DHX32: variants seen among roughly 807,000 people sequenced by gnomAD.
The protein encoded by DHX32 is putative pre-mRNA-splicing factor ATP-dependent RNA helicase DHX32.
Under a neutral mutation model 70.0 loss-of-function variants are expected in DHX32, and 51 were observed. The observed-to-expected ratio is 0.73, with a 90% confidence interval of 0.58 to 0.92. The LOEUF is 0.92. Among genes scored for constraint, DHX32 ranks in the 40% least tolerant of loss-of-function variants. DHX32 has a pLI of 0.00. For missense variants in DHX32, 762 were observed against 891.8 expected (o/e 0.85, Z 1.85); for synonymous variants, 310 against 315.3 (o/e 0.98, Z 0.18).
intron 2 of DHX32, among the ~76,000 whole-genome samples, chr10:125,862,073 A>G (rs1196848854): frequency 5.3e-5 from 8 of 152,364 alleles, no homozygotes; most frequent in African/African-American, 1.9e-4. Flanking sequence ...TCATTTATAA[A>G]TGAGAAAACT....
At chr10:125,887,877 C>A (rs61870708) in intron 1 of DHX32, among the ~76,000 whole-genome samples, 2 of 152,114 alleles carry the variant, frequency 1.3e-5, no homozygotes, top group African/African-American at 4.8e-5. Context: ...GCACAACAAA[C>A]GTGATTATGA....
chr10:125,885,430 A>G (rs563388318), upstream of DHX32, among the ~76,000 whole-genome samples: 7 of 152,266 alleles, frequency 4.6e-5, no homozygotes, highest in African/African-American at 1.4e-4. Context: ...AGTCTTAACA[A>G]TCAGAGGACC....
At position 125,854,074 on chromosome 10, in the gene DHX32, T is replaced by G; in HGVS notation, c.979A>C (p.Lys327Gln). ...CTTCTTTGATAAACTTGGCATCTTT[T>G]TTCTGTTTCATCGAGTGGCTTGAAC... ...SLFKPLDETE[K>Q]RCQVYQRRVV... is the part of the protein sequence containing the mutation. The change falls in exon 4 of 11, where the codon AAA becomes CAA. Residue 327 changes from lysine (K) to glutamine (Q), a missense_variant. This residue lies in a region of DHX32 where 394 missense variants were observed against 473.1 expected (regional missense o/e 0.83). Coordinates refer to ENST00000284690, the MANE Select transcript of DHX32 (RefSeq NM_018180.3). 6.2e-7 allele frequency: 1 copy of G among 1,614,144 alleles called. No individual in the cohort carries two copies. The highest frequency in any genetic ancestry group is 8.5e-7 in the Non-Finnish European group (1 of 1,180,014).
Position 125,836,448 on chromosome 10 carries a change from C to G in DHX32, c.*239G>C. On this transcript the variant is annotated 3_prime_UTR_variant, in exon 11 of 11. Coordinates refer to ENST00000284690, the MANE Select transcript of DHX32 (RefSeq NM_018180.3). ...AATACCAGTTTTTTAAAATTTTGGTCAAATTATGAGTGGTTGATTTAAAAA... is the reference window on the plus strand; with the variant it reads ...AATACCAGTTTTTTAAAATTTTGGTGAAATTATGAGTGGTTGATTTAAAAA... 1.4e-6 allele frequency: 2 copies of G among 1,421,466 alleles called. No individual in the cohort carries two copies. Among genetic ancestry groups the G allele is most frequent in the South Asian group, 1.6e-5 (1 of 60,846 alleles). 88.1% of individuals were successfully genotyped at this position (1,421,466 alleles called of 1,614,324 possible). A position where few individuals can be genotyped will look rare whatever the true frequency, so the allele number is the denominator to read the frequency against.
chr10:125,871,076 T>C (rs957628923), intron 1 of DHX32, among the ~76,000 whole-genome samples: 1 of 152,230 alleles, frequency 6.6e-6, no homozygotes, highest in African/African-American at 2.4e-5. Context: ...TCATGAGCCA[T>C]GTTCTCAAGC....
chr10:125,852,270 C>T (rs1203485439), intron 6 of DHX32, 23 bp downstream of exon 6: 2 of 1,609,308 alleles, frequency 1.2e-6, no homozygotes, highest in Non-Finnish European at 1.7e-6. Flanking sequence ...TAATGCCTGG[C>T]TGACATGGGA....
chr10:125,880,937 T>A lies in DHX32; in HGVS notation c.-113A>T, dbSNP rs1351077842. The A allele has an allele frequency of 4.0e-6, 5 of 1,261,096 alleles. No homozygotes were observed. The highest frequency in any genetic ancestry group is 5.5e-6 in the Non-Finnish European group (5 of 913,946). The allele number at this position is 1,261,096 out of a possible 1,614,324, so 78.1% of individuals were successfully genotyped here. On this transcript the variant is annotated 5_prime_UTR_variant, in exon 1 of 11. Transcript: ENST00000284690. ...ATTTATACAAACCCGTATGTTCCAA[T>A]CTCTAAGACTTCAGTTCAAGGTTTT...
chr10:125,837,924 A>G (rs191435852), intron 10 of DHX32, among the ~76,000 whole-genome samples: 11 of 152,254 alleles, frequency 7.2e-5, no homozygotes, highest in Admixed American at 2.0e-4. Context: ...CTCAAGGTCA[A>G]TGCACCTGTA....
Position 125,839,063 on chromosome 10 carries a change from A to G in DHX32, c.1819T>C (p.Phe607Leu), listed in dbSNP as rs1391487727. 1 of 1,614,230 alleles carries G rather than the reference A, an allele frequency of 6.2e-7. No individual in the cohort carries two copies. The highest frequency in any genetic ancestry group is 8.5e-7 in the Non-Finnish European group (1 of 1,180,040). ...RIELPYAEPA[F>L]GSKENTLNIK... The stretch of plus-strand genomic sequence containing the variant: ...TTTAGAGTGTTTTCCTTGGAGCCAA[A>G]AGCAGGTTCTGCATAGGGAAGCTCG... The change falls in exon 9 of 11, where the codon TTT becomes CTT. Residue 607 changes from phenylalanine (F) to leucine (L), a missense_variant. By Grantham distance (22) the Phe-to-Leu change is conservative. Coordinates refer to ENST00000284690, the MANE Select transcript of DHX32 (RefSeq NM_018180.3).
At chr10:125,883,191 C>G (rs1042316933), upstream of DHX32, among the ~76,000 whole-genome samples, 8 of 152,176 alleles carry the variant, frequency 5.3e-5, no homozygotes, top group Non-Finnish European at 1.0e-4. Context: ...TGAGACTTAC[C>G]TGGCCCCTTC....
Position 125,859,651 on chromosome 10 carries a change from G to C in DHX32, c.801C>G (p.His267Gln). The C allele has an allele frequency of 6.2e-7, 1 of 1,609,290 alleles. No homozygotes were observed. The highest frequency in any genetic ancestry group is 8.5e-7 in the Non-Finnish European group (1 of 1,178,318). The stretch of plus-strand genomic sequence containing the variant: ...CAATGTCACCTTTCTCACCCGAGTG[G>C]TGAATTTCAAAGATAAGGCGTAAAA... ...ESILRLIFEI[H>Q]HSGEKGDIVV... The change falls in exon 3 of 11, where the codon CAC becomes CAG. Residue 267 changes from histidine to glutamine, a missense_variant. His to Gln is a conservative substitution (Grantham distance 24, BLOSUM62 0). This residue lies in a region of DHX32 where 394 missense variants were observed against 473.1 expected (regional missense o/e 0.83). Coordinates refer to ENST00000284690, the MANE Select transcript of DHX32 (RefSeq NM_018180.3).
At position 125,880,866 on chromosome 10, in the gene DHX32, A is replaced by G. The variant is rs759944844; in HGVS notation, c.-42T>C. The G allele has an allele frequency of 1.0e-5, 16 of 1,582,658 alleles. No homozygotes were observed. In the Admixed American group the frequency reaches 1.1e-4, roughly 11 times the overall value. On this transcript the variant is annotated 5_prime_UTR_variant, in exon 1 of 11. Transcript: ENST00000284690. ...CTCACGCAGCTGACATTCCACAAGCAAGTTTCTCCTATCAGTAACCCATTG... is the reference window on the plus strand; with the variant it reads ...CTCACGCAGCTGACATTCCACAAGCGAGTTTCTCCTATCAGTAACCCATTG...
chr10:125,896,464 C>G (rs74537012), upstream of DHX32: 2 of 1,071,642 alleles, frequency 1.9e-6, no homozygotes, highest in Non-Finnish European at 2.4e-6. Flanking sequence ...TCCCCGGCGA[C>G]GCGCGGGTCC....
rs773742344 is a variant in DHX32, at chr10:125,859,821, G to C, written c.631C>G (p.Leu211Val). The change falls in exon 3 of 11, where the codon CTG (leucine) becomes GTG (valine). Residue 211 changes from leucine (L) to valine (V), a missense_variant. Physicochemically the swap from Leu to Val is conservative, Grantham distance 32. Around this residue, in one of 3 missense-constraint regions of DHX32, gnomAD observed 394 missense variants for 473.1 expected, o/e 0.83. Coordinates refer to ENST00000284690, the MANE Select transcript of DHX32 (RefSeq NM_018180.3). ...LKDVLLARPE[L>V]KLIINSSPHL... is the part of the protein sequence containing the mutation. ...GGTGAGGAGTTAATTATGAGCTTCA[G>C]TTCTGGTCTTGCTAGTAAAACATCT... 6.2e-7 allele frequency: 1 copy of C among 1,614,096 alleles called. No individual in the cohort carries two copies.
intron 7 of DHX32, 181 bp downstream of exon 7, chr10:125,841,562 T>C: frequency 7.0e-7 from 1 of 1,430,448 alleles, no homozygotes. Context: ...TAATTTTTCA[T>C]ATTAAGAAAA....
chr10:125,868,186 A>G (rs1000968989), intron 1 of DHX32, among the ~76,000 whole-genome samples: 1 of 152,204 alleles, frequency 6.6e-6, no homozygotes, highest in African/African-American at 2.4e-5. Flanking sequence ...TCTAAAATAT[A>G]TTATGGACCA....
At chr10:125,881,546 T>G (rs1944317587), upstream of DHX32, among the ~76,000 whole-genome samples, 1 of 152,254 alleles carries the variant, frequency 6.6e-6, no homozygotes, top group South Asian at 2.1e-4. Flanking sequence ...AAAACATTTT[T>G]AAAACTTTTC....
chr10:125,869,127 C>T (rs895733413), intron 1 of DHX32, among the ~76,000 whole-genome samples: 1 of 152,106 alleles, frequency 6.6e-6, no homozygotes, highest in Admixed American at 6.6e-5. Context: ...TAAAATTTTG[C>T]CTCCTTTATT....
At chr10:125,846,906 C>T (rs1382334677) in intron 6 of DHX32, among the ~76,000 whole-genome samples, 3 of 152,138 alleles carry the variant, frequency 2.0e-5, no homozygotes, top group East Asian at 1.9e-4. Flanking sequence ...CAGTTCCTAA[C>T]GGGTCATTAA....
Sources: gnomAD v4.1 joint callset for allele counts (sites outside exome capture counted in the v4.1 genomes callset) on GRCh38, gnomAD v4.1.1 for gene constraint, gnomAD v4.1.1 regional missense constraint, MANE v1.5 for transcripts, NCBI Gene and HGNC (gene_info 2026-07-23, HGNC 2026-07-21) for gene names.